Variants in GALNT18 observed in about 807,000 individuals in gnomAD.
GALNT18 encodes GalNAc-transferase 18.
A neutral mutation model predicts 69.5 loss-of-function variants in GALNT18; 44 were observed. That is an observed-to-expected ratio of 0.63 (90% CI 0.50 to 0.81). The LOEUF (loss-of-function observed/expected upper bound fraction) is 0.81. Ranked by LOEUF, GALNT18 falls within the 40% of genes least tolerant of loss-of-function variation. The pLI, the probability that GALNT18 is intolerant of heterozygous loss-of-function variation, is 0.00. For missense variants in GALNT18, 715 were observed against 810.0 expected (o/e 0.88, Z 1.42); for synonymous variants, 364 against 318.2 (o/e 1.14, Z -1.53).
At chr11:11,578,341 A>AAG (rs1328960038) in intron 1 of GALNT18, among the ~76,000 whole-genome samples, 19 of 151,654 alleles carry the variant, frequency 1.3e-4, no homozygotes, top group African/African-American at 4.6e-4. Flanking sequence ...AAAAAAAAAA[A>AAG]AAAAAAACTC....
chr11:11,273,618 A>C (rs964560575), intron 10 of GALNT18, among the ~76,000 whole-genome samples: 3 of 152,198 alleles, frequency 2.0e-5, no homozygotes, highest in Non-Finnish European at 4.4e-5. Flanking sequence ...TACAGCTACT[A>C]TGGAGAACAG....
chr11:11,571,203 C>A (rs1858785954), intron 1 of GALNT18, among the ~76,000 whole-genome samples: 1 of 152,202 alleles, frequency 6.6e-6, no homozygotes, highest in Non-Finnish European at 1.5e-5. Context: ...CAGCTCCTGG[C>A]TAGTCAGTGT....
chr11:11,534,475 A>C (rs1484328223), intron 1 of GALNT18, among the ~76,000 whole-genome samples: 2 of 152,240 alleles, frequency 1.3e-5, no homozygotes, highest in African/African-American at 4.8e-5. Context: ...CCTGTGCTGG[A>C]TGCTGCTGAT....
chr11:11,381,030 A>G (rs1040664042), intron 3 of GALNT18, among the ~76,000 whole-genome samples: 1 of 152,178 alleles, frequency 6.6e-6, no homozygotes, highest in Non-Finnish European at 1.5e-5. Context: ...CATGCTGTAT[A>G]TCTCACTGCA....
chr11:11,447,460 G>A (rs980745204), intron 2 of GALNT18, among the ~76,000 whole-genome samples: 1 of 152,216 alleles, frequency 6.6e-6, no homozygotes, highest in Non-Finnish European at 1.5e-5. Context: ...TAGAATGCCA[G>A]CTCTGTGAAG....
intron 1 of GALNT18, among the ~76,000 whole-genome samples, chr11:11,489,485 G>A (rs1433545473): frequency 6.6e-6 from 1 of 152,216 alleles, no homozygotes; most frequent in Non-Finnish European, 1.5e-5. Flanking sequence ...GCCCACCACT[G>A]TCCATGCCAG....
rs920695100 is a variant in GALNT18 at position 11,480,115 on chromosome 11, T to C, written c.236-31179A>G. ...ACTGCTATTTGTCACCTTCCCTACC[T>C]TGAGCTTCAACTTCCTTTTATTCAA... On this transcript the variant is annotated intron_variant, in intron 1 of 10. Transcript: ENST00000227756. This position sits in a 1 kb window ranked among gnomAD's most constrained non-coding sequence, Gnocchi z 4.6. 6.6e-6 allele frequency among the ~76,000 whole-genome samples: 1 copy of C among 152,130 alleles called. No homozygotes were observed. Among genetic ancestry groups the C allele is most frequent in the Non-Finnish European group, 1.5e-5 (1 of 68,018 alleles).
intron 1 of GALNT18, among the ~76,000 whole-genome samples, chr11:11,594,840 T>TATATAC (rs1328261449): frequency 1.3e-3 from 92 of 68,906 alleles, no homozygotes; most frequent in Non-Finnish European, 2.8e-3. Flanking sequence ...TATATATATA[T>TATATAC]ACACATATAC....
At position 11,454,869 on chromosome 11, in the gene GALNT18, C is replaced by A. The variant is rs972375360; in HGVS notation, c.236-5933G>T. Among the ~76,000 whole-genome samples the A allele has an allele frequency of 2.0e-5, 3 of 152,184 alleles. No individual in the cohort carries two copies. The highest frequency in any genetic ancestry group is 2.0e-4 in the Admixed American group (3 of 15,276). ...CATCAAGCCCTGAGGGGAGGATTCCCTCCAGAGGACACTAATCACTCCACC... is the reference window on the plus strand; with the variant it reads ...CATCAAGCCCTGAGGGGAGGATTCCATCCAGAGGACACTAATCACTCCACC... On this transcript the variant is annotated intron_variant, in intron 1 of 10. Coordinates refer to ENST00000227756, the MANE Select transcript of GALNT18 (RefSeq NM_198516.3). This position sits in a 1 kb window ranked among gnomAD's most constrained non-coding sequence, Gnocchi z 4.2.
intron 3 of GALNT18, among the ~76,000 whole-genome samples, chr11:11,405,252 T>C (rs1854564454): frequency 6.6e-6 from 1 of 152,182 alleles, no homozygotes; most frequent in Non-Finnish European, 1.5e-5. Context: ...TTTAGATTTC[T>C]AGGCTGTGAA....
chr11:11,325,488 A>T (rs1219045757), intron 9 of GALNT18, among the ~76,000 whole-genome samples: 1 of 151,226 alleles, frequency 6.6e-6, no homozygotes, highest in African/African-American at 2.5e-5. Context: ...CCATGTAACC[A>T]AAAACCACCT....
Position 11,345,139 on chromosome 11 carries a change from C to A in GALNT18, c.1093-4135G>T, listed in dbSNP as rs138823094. 5.2e-3 allele frequency among the ~76,000 whole-genome samples: 798 copies of A among 152,318 alleles called. 9 individuals carry two copies. Among genetic ancestry groups the A allele is most frequent in the African/African-American group, 0.018 (752 of 41,580 alleles). Reference sequence around the variant, plus strand: ...ACGCTCCCTTCTCAGAGACAGGGAGCACTGGTCAACATTTCCAGTCTCCTC... The same window carrying A: ...ACGCTCCCTTCTCAGAGACAGGGAGAACTGGTCAACATTTCCAGTCTCCTC... On this transcript the variant is annotated intron_variant, in intron 6 of 10. Coordinates refer to ENST00000227756, the MANE Select transcript of GALNT18 (RefSeq NM_198516.3).
At chr11:11,599,159 C>G (rs183020128) in intron 1 of GALNT18, among the ~76,000 whole-genome samples, 97 of 152,162 alleles carry the variant, frequency 6.4e-4, no homozygotes, top group East Asian at 4.4e-3. Context: ...AGTACATCTG[C>G]CTAATTGTTC....
At position 11,490,219 on chromosome 11, in the gene GALNT18, T is replaced by TAA. The variant is rs1291960714; in HGVS notation, c.236-41284_236-41283insTT. 3.7e-3 allele frequency among the ~76,000 whole-genome samples: 287 copies of TAA among 78,506 alleles called. 3 individuals carry two copies. Among genetic ancestry groups the TAA allele is most frequent in the African/African-American group, 0.013 (272 of 20,560 alleles). 51.5% of individuals were successfully genotyped at this position (78,506 alleles called of 152,430 possible). On this transcript the variant is annotated intron_variant, in intron 1 of 10. Transcript: ENST00000227756. ...CACTCATTCTCTCTCTCTCTCTCTC[T>TAA]CTCTCTCTCTCTCTAACACACACAC...
At chr11:11,407,500 T>C (rs187830697) in intron 3 of GALNT18, among the ~76,000 whole-genome samples, 14 of 152,252 alleles carry the variant, frequency 9.2e-5, no homozygotes, top group Admixed American at 5.2e-4. Context: ...CAGAGATAAA[T>C]AGCAAAGGCC....
intron 10 of GALNT18, among the ~76,000 whole-genome samples, chr11:11,283,233 C>G (rs1275784994): frequency 6.6e-6 from 1 of 152,132 alleles, no homozygotes; most frequent in African/African-American, 2.4e-5. Flanking sequence ...CGGCTCAATG[C>G]AATCCCAGGT....
At chr11:11,536,565 C>T (rs1857777401) in intron 1 of GALNT18, among the ~76,000 whole-genome samples, 3 of 151,960 alleles carry the variant, frequency 2.0e-5, no homozygotes, top group South Asian at 4.2e-4. Context: ...CCCTTCCTGA[C>T]ATCAGCTTCT....
chr11:11,282,963 C>T (rs185517857), intron 10 of GALNT18, among the ~76,000 whole-genome samples: 128 of 152,084 alleles, frequency 8.4e-4, no homozygotes, highest in African/African-American at 2.8e-3. Context: ...TGGAGGCAGA[C>T]GGCAAGTGTA....
In GALNT18 at chr11:11,439,694, C is replaced by T. The variant is rs1664067634; in HGVS notation, c.429-6907G>A. Among the ~76,000 whole-genome samples, 1 of 152,190 alleles carries T rather than the reference C, an allele frequency of 6.6e-6. No homozygotes were observed. Among genetic ancestry groups the T allele is most frequent in the South Asian group, 2.1e-4 (1 of 4,834 alleles). ...CAGCACAGAGTAGAAATTCAGAATG[C>T]ACCTGGTGATGGGCTGAGTGAACAC... On this transcript the variant is annotated intron_variant, in intron 2 of 10. Transcript: ENST00000227756. This position sits in a 1 kb window ranked among gnomAD's most constrained non-coding sequence, Gnocchi z 4.4.
Sources: gnomAD v4.1 joint callset for allele counts (sites outside exome capture counted in the v4.1 genomes callset) on GRCh38, gnomAD v4.1.1 for gene constraint, Gnocchi (gnomAD v3.1) non-coding constraint, MANE v1.5 for transcripts, NCBI Gene and HGNC (gene_info 2026-07-23, HGNC 2026-07-21) for gene names.